The following NAV1 variants were observed in gnomAD, a reference collection of about 807,000 sequenced individuals.
NAV1 encodes the protein neuron navigator 1, also known as pore membrane and/or filament interacting like protein 3.
NAV1 carries 18 observed loss-of-function variants against 175.2 expected under a neutral mutation model. The ratio of observed to expected loss-of-function variants is 0.10; its 90% CI spans 0.07 to 0.15. The LOEUF (loss-of-function observed/expected upper bound fraction) is 0.15. Among genes scored for constraint, NAV1 ranks in the 10% least tolerant of loss-of-function variants. NAV1 has a pLI of 1.00. For missense variants in NAV1, 1,731 were observed against 2,436.6 expected, an observed-to-expected ratio of 0.71 and a Z score of 6.10; for synonymous variants, 897 against 978.7, an observed-to-expected ratio of 0.92 and a Z score of 1.56.
chr1:201,549,073 TTTTCTC>T (rs1665750718), intron 1 of NAV1, among the ~76,000 whole-genome samples: 4 of 148,784 alleles, frequency 2.7e-5, no homozygotes, highest in East Asian at 2.0e-4. Flanking sequence ...GATATTCTAG[TTTTCTC>T]TTTCTTTCTT....
chr1:201,712,734 C>A, intron 1 of NAV1, 83 bp from the exon 6 acceptor site: 1 of 938,530 alleles, frequency 1.1e-6, no homozygotes, highest in Non-Finnish European at 1.7e-6. Context: ...CCTGGGGACA[C>A]TGTCAATCTC....
chr1:201,814,723 G>T (rs1010834136), intron 28 of NAV1, among the ~76,000 whole-genome samples: 2 of 151,904 alleles, frequency 1.3e-5, no homozygotes, highest in Non-Finnish European at 2.9e-5. Flanking sequence ...CACACAGATA[G>T]TATTTGTTTT....
intron 1 of NAV1, among the ~76,000 whole-genome samples, chr1:201,693,121 G>A (rs1671029445): frequency 6.6e-6 from 1 of 152,180 alleles, no homozygotes; most frequent in Middle Eastern, 3.2e-3. Flanking sequence ...GTGCCCAGGG[G>A]ATGCATTTGT....
At chr1:201,556,384 C>T (rs1045068308) in intron 1 of NAV1, among the ~76,000 whole-genome samples, 11 of 151,302 alleles carry the variant, frequency 7.3e-5, no homozygotes, top group Admixed American at 4.6e-4. Context: ...CACCACTGCA[C>T]TCCAGCCTGG....
chr1:201,597,386 CCTT>C (rs1667381442), intron 2 of NAV1, among the ~76,000 whole-genome samples: 1 of 152,240 alleles, frequency 6.6e-6, no homozygotes, highest in Non-Finnish European at 1.5e-5. Flanking sequence ...CCTACACTCT[CCTT>C]CTTCCCCTCC....
chr1:201,780,488 T>C, exon 4 of NAV1: 1 of 1,614,206 alleles, frequency 6.2e-7, no homozygotes, highest in Non-Finnish European at 8.5e-7. Context: ...TTCAGAAGAA[T>C]TCAATGCCAG....
At chr1:201,698,640 T>A (rs1671286009) in intron 1 of NAV1, among the ~76,000 whole-genome samples, 1 of 152,208 alleles carries the variant, frequency 6.6e-6, no homozygotes, top group South Asian at 2.1e-4. Context: ...CCCCTTGAGT[T>A]CTGGTGCAGG....
intron 1 of NAV1, among the ~76,000 whole-genome samples, chr1:201,681,458 C>T (rs1373274202): frequency 6.6e-6 from 1 of 152,174 alleles, no homozygotes; most frequent in Non-Finnish European, 1.5e-5. Flanking sequence ...ATCTCCCCAG[C>T]GTGTTTGTCC....
intron 1 of NAV1, among the ~76,000 whole-genome samples, chr1:201,569,086 C>T (rs1367313468): frequency 6.6e-6 from 1 of 152,168 alleles, no homozygotes; most frequent in Non-Finnish European, 1.5e-5. Flanking sequence ...CAAACCCAGG[C>T]CACTCCCCCA....
At chr1:201,804,179 C>G in intron 16 of NAV1, 1 of 498,838 alleles carries the variant, frequency 2.0e-6, no homozygotes. Flanking sequence ...TTTATTATTA[C>G]CTTTGGTAGG....
intron 3 of NAV1, among the ~76,000 whole-genome samples, chr1:201,731,360 G>A (rs1037059917): frequency 6.6e-6 from 1 of 152,078 alleles, no homozygotes; most frequent in Non-Finnish European, 1.5e-5. Context: ...GGGGTGTGCG[G>A]CAACCAGACA....
At chr1:201,820,563 A>G (rs1401598925) in exon 30 of NAV1, 1 of 152,492 alleles carries the variant, frequency 6.6e-6, no homozygotes, top group African/African-American at 2.4e-5. Flanking sequence ...GAGAGGAACC[A>G]GTTGCCAAGG....
At chr1:201,755,903 G>A (rs1000990069) in intron 3 of NAV1, among the ~76,000 whole-genome samples, 5 of 151,996 alleles carry the variant, frequency 3.3e-5, no homozygotes, top group African/African-American at 1.2e-4. Flanking sequence ...TCAGGAGATC[G>A]AGACCATCCT....
chr1:201,579,026 G>A (rs930585552), intron 1 of NAV1, among the ~76,000 whole-genome samples: 2 of 151,940 alleles, frequency 1.3e-5, no homozygotes, highest in Admixed American at 6.6e-5. Flanking sequence ...CCAGCTACTC[G>A]GGAGGCTGAG....
chr1:201,670,018 A>G (rs1669974270), intron 1 of NAV1, among the ~76,000 whole-genome samples: 1 of 152,106 alleles, frequency 6.6e-6, no homozygotes, highest in South Asian at 2.1e-4. Flanking sequence ...TTTTGCCTAA[A>G]TACAAAAGTT....
In NAV1 at chr1:201,629,443, C is replaced by A. The variant is rs1668425345; in HGVS notation, c.-61C>A. On this transcript the variant is annotated 5_prime_UTR_variant, in exon 2 of 30. Transcript: ENST00000367302. ...AGAAACCTGGCCCCCTCTCCCAGGG[C>A]AGCTGGCCCCTTGATGGCTATGCTG... 3 of 1,304,112 alleles carry A rather than the reference C, an allele frequency of 2.3e-6. No individual in the cohort carries two copies. In the African/African-American group the frequency reaches 4.6e-5, roughly 20 times the overall value. The allele number at this position is 1,304,112 out of a possible 1,614,324, so 80.8% of individuals were successfully genotyped here. A position where few individuals can be genotyped will look rare whatever the true frequency, so the allele number is the denominator to read the frequency against.
chr1:201,730,441 C>T (rs1672806098), intron 3 of NAV1, among the ~76,000 whole-genome samples: 1 of 152,208 alleles, frequency 6.6e-6, no homozygotes, highest in Non-Finnish European at 1.5e-5. Context: ...TGAAGCCTTT[C>T]CCTCTGTGTG....
At chr1:201,725,905 T>A (rs1400966143) in intron 3 of NAV1, among the ~76,000 whole-genome samples, 2 of 152,152 alleles carry the variant, frequency 1.3e-5, no homozygotes, top group Admixed American at 6.5e-5. Context: ...TGCAGTGAGC[T>A]ATGATCACAC....
intron 2 of NAV1, among the ~76,000 whole-genome samples, chr1:201,717,063 G>T (rs372904588): frequency 1.8e-4 from 28 of 152,190 alleles, no homozygotes; most frequent in Admixed American, 1.8e-3. Context: ...TTTCAAGAGC[G>T]TTTGGATCCC....
Sources: gnomAD v4.1 joint callset for allele counts (sites outside exome capture counted in the v4.1 genomes callset) on GRCh38, gnomAD v4.1.1 for gene constraint, MANE v1.5 for transcripts, NCBI Gene and HGNC (gene_info 2026-07-23, HGNC 2026-07-21) for gene names.